Variants in TSHZ2 observed in about 807,000 individuals in gnomAD.
TSHZ2 encodes the protein teashirt zinc finger homeobox 2, also known as teashirt homolog 2.
In TSHZ2, 21 loss-of-function variants were observed where a neutral mutation model predicts 74.4. The observed-to-expected ratio is 0.28, with a 90% CI of 0.20 to 0.41. The LOEUF (loss-of-function observed/expected upper bound fraction) is 0.41. Ranked by LOEUF, TSHZ2 falls within the 10% of genes least tolerant of loss-of-function variation. The pLI, the probability that TSHZ2 is intolerant of heterozygous loss-of-function variation, is 1.00. For missense variants in TSHZ2, 1,244 were observed against 1,293.5 expected (o/e 0.96, Z 0.59); for synonymous variants, 540 against 515.3 (o/e 1.05, Z -0.65).
At chr20:53,034,143 C>T (rs1346083158) in intron 1 of TSHZ2, among the ~76,000 whole-genome samples, 4 of 152,054 alleles carry the variant, frequency 2.6e-5, no homozygotes, top group East Asian at 1.9e-4. Context: ...TAAATCAACA[C>T]GTGGGAAACA....
chr20:53,399,922 TGAC>T (rs1804664986), intron 2 of TSHZ2: 1 of 152,366 alleles, frequency 6.6e-6, no homozygotes, highest in Non-Finnish European at 1.5e-5. Context: ...GATGAAAAGA[TGAC>T]GACTGTGGAG....
At chr20:53,107,952 A>G (rs1986426525) in intron 1 of TSHZ2, among the ~76,000 whole-genome samples, 1 of 152,256 alleles carries the variant, frequency 6.6e-6, no homozygotes, top group African/African-American at 2.4e-5. Flanking sequence ...ACTTCTTACC[A>G]GAACAATTCA....
chr20:53,134,252 T>C (rs977948986), intron 1 of TSHZ2, among the ~76,000 whole-genome samples: 6 of 152,232 alleles, frequency 3.9e-5, no homozygotes. Flanking sequence ...GTGCTCCATC[T>C]TCATTTTTAT....
intron 1 of TSHZ2, among the ~76,000 whole-genome samples, chr20:52,991,597 C>T (rs6013589): frequency 8.7e-5 from 10 of 114,764 alleles, no homozygotes; most frequent in African/African-American, 1.8e-4. Context: ...TTTTCTGATG[C>T]ATGATTTTGT....
chr20:53,325,006 T>A (rs757688113), intron 2 of TSHZ2, among the ~76,000 whole-genome samples: 8 of 152,254 alleles, frequency 5.3e-5, no homozygotes, highest in Non-Finnish European at 1.2e-4. Flanking sequence ...TCTGGCAGAA[T>A]TCCTGAGGCC....
At chr20:53,199,787 T>A (rs1988956156) in intron 1 of TSHZ2, among the ~76,000 whole-genome samples, 1 of 152,142 alleles carries the variant, frequency 6.6e-6, no homozygotes, top group African/African-American at 2.4e-5. Flanking sequence ...GTAGTGTATA[T>A]CGGGGGCAGG....
intron 1 of TSHZ2, among the ~76,000 whole-genome samples, chr20:53,016,834 A>T (rs1983055740): frequency 1.3e-5 from 2 of 152,132 alleles, no homozygotes; most frequent in Admixed American, 1.3e-4. Flanking sequence ...TTGCATCCCC[A>T]TAAAGCTGAC....
chr20:53,084,607 T>C (rs1985632611), intron 1 of TSHZ2, among the ~76,000 whole-genome samples: 1 of 151,688 alleles, frequency 6.6e-6, no homozygotes, highest in East Asian at 1.9e-4. Flanking sequence ...TCTGTTTTTC[T>C]TCCTTTCCAA....
chr20:53,164,720 A>G (rs558281816), intron 1 of TSHZ2, among the ~76,000 whole-genome samples: 1 of 152,372 alleles, frequency 6.6e-6, no homozygotes, highest in South Asian at 2.1e-4. Context: ...CTAGCCTTCT[A>G]TAGAAGAAAG....
At chr20:53,210,117 G>A (rs2248111) in intron 1 of TSHZ2, among the ~76,000 whole-genome samples, 32,789 of 152,248 alleles carry the variant, frequency 0.22, 4,410 homozygotes, top group Admixed American at 0.36. Flanking sequence ...CTGTTGGGTC[G>A]TTGCCACTGC....
chr20:53,071,846 GT>G (rs1985185079), intron 1 of TSHZ2, among the ~76,000 whole-genome samples: 1 of 152,186 alleles, frequency 6.6e-6, no homozygotes, highest in Non-Finnish European at 1.5e-5. Flanking sequence ...TCTTTTGCTT[GT>G]TTTATTGGAG....
At chr20:53,221,031 ACC>A in intron 1 of TSHZ2, among the ~76,000 whole-genome samples, 1 of 152,132 alleles carries the variant, frequency 6.6e-6, no homozygotes, top group Non-Finnish European at 1.5e-5. Context: ...TGTGGGAGGG[ACC>A]CAGTAGGAGA....
intron 1 of TSHZ2, among the ~76,000 whole-genome samples, chr20:53,221,982 A>G (rs889706118): frequency 5.9e-5 from 9 of 152,206 alleles, no homozygotes; most frequent in Non-Finnish European, 1.0e-4. Flanking sequence ...GAAATAAGAA[A>G]CTGACCAGGG....
intron 1 of TSHZ2, among the ~76,000 whole-genome samples, chr20:53,024,783 G>T (rs1983376595): frequency 6.6e-6 from 1 of 152,126 alleles, no homozygotes; most frequent in East Asian, 1.9e-4. Flanking sequence ...TGCTGAGAAT[G>T]ATGGTTTCCA....
chr20:53,360,170 G>A (rs577017619), intron 2 of TSHZ2, among the ~76,000 whole-genome samples: 20 of 152,152 alleles, frequency 1.3e-4, no homozygotes, highest in Admixed American at 1.2e-3. Flanking sequence ...AGTGAAGGGG[G>A]AAATGATACA....
At chr20:52,985,984 A>G (rs888143454) in intron 1 of TSHZ2, among the ~76,000 whole-genome samples, 3 of 152,242 alleles carry the variant, frequency 2.0e-5, no homozygotes, top group African/African-American at 7.2e-5. Flanking sequence ...TGCCTCTGGT[A>G]AGTCAAGAGA....
At chr20:53,046,689 A>T (rs1449834688) in intron 1 of TSHZ2, among the ~76,000 whole-genome samples, 1 of 152,140 alleles carries the variant, frequency 6.6e-6, no homozygotes, top group Non-Finnish European at 1.5e-5. Flanking sequence ...GCAGTAGAGT[A>T]GGTATAGGCT....
Position 53,255,850 on chromosome 20 carries a change from A to T in TSHZ2, c.2392A>T (p.Met798Leu), listed in dbSNP as rs760971456. The change falls in exon 2 of 3, where the codon ATG (methionine) becomes TTG (leucine). Residue 798 changes from methionine to leucine, a missense_variant. Physicochemically the swap from Met to Leu is conservative, Grantham distance 15 (BLOSUM62 2). Around this residue, in one of 6 missense-constraint regions of TSHZ2, gnomAD observed 562 missense variants for 544.0 expected, o/e 1.03. Transcript: ENST00000371497. The surrounding 1 kb of genome is among the most constrained non-coding windows in gnomAD (Gnocchi z 4.1). ...QKHALSDIAD[M>L]VKVLPKATTP... The stretch of plus-strand genomic sequence containing the variant: ...GCACGCTCTGTCTGACATCGCCGAC[A>T]TGGTCAAAGTCCTCCCCAAAGCCAC... The T allele has an allele frequency of 5.6e-6, 9 of 1,611,748 alleles. 1 individual carries two copies. Among genetic ancestry groups the T allele is most frequent in the Non-Finnish European group, 7.6e-6 (9 of 1,178,462 alleles).
intron 1 of TSHZ2, among the ~76,000 whole-genome samples, chr20:53,212,981 G>GA (rs1989349508): frequency 2.0e-5 from 3 of 152,142 alleles, no homozygotes; most frequent in Admixed American, 2.0e-4. Context: ...CAAAAGTAAG[G>GA]AGGGGGATCC....
Sources: gnomAD v4.1 joint callset for allele counts (sites outside exome capture counted in the v4.1 genomes callset) on GRCh38, gnomAD v4.1.1 for gene constraint, gnomAD v4.1.1 regional missense constraint, Gnocchi (gnomAD v3.1) non-coding constraint, MANE v1.5 for transcripts, NCBI Gene and HGNC (gene_info 2026-07-23, HGNC 2026-07-21) for gene names.